PPP2R2B: variants seen among roughly 807,000 people sequenced by gnomAD.
PPP2R2B encodes the protein protein phosphatase 2 regulatory subunit Bbeta, also known as serine/threonine-protein phosphatase 2A 55 kDa regulatory subunit B beta isoform.
Under a neutral mutation model 46.0 loss-of-function variants are expected in PPP2R2B, and 5 were observed. The ratio of observed to expected loss-of-function variants is 0.11; its 90% CI spans 0.06 to 0.23. The LOEUF (loss-of-function observed/expected upper bound fraction) is 0.23. PPP2R2B is among the 10% of genes least tolerant of loss of function. The pLI is 1.00. For missense variants in PPP2R2B, 367 were observed against 575.0 expected (o/e 0.64, Z 3.70); for synonymous variants, 215 against 206.7 (o/e 1.04, Z -0.34).
At chr5:147,012,086 G>A (rs1172180723) in intron 1 of PPP2R2B, among the ~76,000 whole-genome samples, 1 of 150,246 alleles carries the variant, frequency 6.7e-6, no homozygotes, top group Non-Finnish European at 1.5e-5. Flanking sequence ...AATGATGCTG[G>A]CCTCATAAAA....
chr5:147,008,820 T>C (rs1312365437), intron 1 of PPP2R2B, among the ~76,000 whole-genome samples: 1 of 152,204 alleles, frequency 6.6e-6, no homozygotes, highest in Non-Finnish European at 1.5e-5. Context: ...GTTTCTGTTT[T>C]GTTGATTGTC....
chr5:146,994,786 T>A (rs757319600), intron 1 of PPP2R2B, among the ~76,000 whole-genome samples: 6 of 152,348 alleles, frequency 3.9e-5, no homozygotes, highest in Middle Eastern at 3.4e-3. Context: ...TTTACTTTAA[T>A]GTATCATATA....
chr5:146,884,733 AG>A (rs1342710139), intron 1 of PPP2R2B, among the ~76,000 whole-genome samples: 24 of 152,332 alleles, frequency 1.6e-4, no homozygotes, highest in African/African-American at 5.5e-4. Context: ...TGTGCAAGAA[AG>A]TTTTAGTTTA....
Position 146,587,637 on chromosome 5 carries a change from A to G in PPP2R2B, c.*2310T>C, listed in dbSNP as rs1306188031. The G allele has an allele frequency of 6.6e-6, 1 of 152,202 alleles. No homozygotes were observed. Among genetic ancestry groups the G allele is most frequent in the Non-Finnish European group, 1.5e-5 (1 of 68,030 alleles). The allele number at this position is 152,202 out of a possible 1,614,324, so 9.4% of individuals were successfully genotyped here. On this transcript the variant is annotated 3_prime_UTR_variant, in exon 10 of 10. Transcript: ENST00000394411. Reference sequence around the variant, plus strand: ...CCTAAGGGCATAAATCTTCTGTCATATCAGTTACTCAGGGTCCCAAAGTTT... The same window carrying G: ...CCTAAGGGCATAAATCTTCTGTCATGTCAGTTACTCAGGGTCCCAAAGTTT...
At chr5:146,819,157 A>T (rs1010985015) in intron 2 of PPP2R2B, among the ~76,000 whole-genome samples, 55 of 152,192 alleles carry the variant, frequency 3.6e-4, no homozygotes, top group African/African-American at 1.3e-3. Flanking sequence ...TTTGAAAATG[A>T]ACTATTTTGG....
intron 2 of PPP2R2B, among the ~76,000 whole-genome samples, chr5:146,807,776 C>CCTTTTTT (rs1757269168): frequency 5.4e-5 from 2 of 36,930 alleles, no homozygotes; most frequent in African/African-American, 1.6e-4. Context: ...GGGGTGCCTT[C>CCTTTTTT]TTTTTTTTTT....
upstream of PPP2R2B, among the ~76,000 whole-genome samples, chr5:147,060,371 A>G (rs1757220621): frequency 6.6e-6 from 1 of 152,230 alleles, no homozygotes; most frequent in Admixed American, 6.5e-5. Flanking sequence ...TCACCCGTCT[A>G]ATCCTAGCAT....
At chr5:147,068,476 A>G (rs1002316746) in intron 2 of PPP2R2B, among the ~76,000 whole-genome samples, 1 of 152,198 alleles carries the variant, frequency 6.6e-6, no homozygotes, top group African/African-American at 2.4e-5. Context: ...TGTGAAAAAA[A>G]ATGTAAGTTT....
intron 2 of PPP2R2B, among the ~76,000 whole-genome samples, chr5:146,753,241 T>C (rs1753657992): frequency 6.6e-6 from 1 of 152,186 alleles, no homozygotes; most frequent in African/African-American, 2.4e-5. Context: ...AAAGTTATTG[T>C]CCATGAAATG....
chr5:146,692,525 CA>C (rs1778917414), intron 4 of PPP2R2B, among the ~76,000 whole-genome samples: 1 of 141,812 alleles, frequency 7.1e-6, no homozygotes. Context: ...GCTTTTAATT[CA>C]ATTTTTTTTT....
chr5:146,902,495 T>C (rs564809249), intron 1 of PPP2R2B, among the ~76,000 whole-genome samples: 31 of 152,326 alleles, frequency 2.0e-4, no homozygotes, highest in African/African-American at 7.5e-4. Flanking sequence ...GGATCAGGCT[T>C]TGTTATATGC....
intron 2 of PPP2R2B, among the ~76,000 whole-genome samples, chr5:146,740,431 G>C (rs191806711): frequency 2.6e-5 from 4 of 152,232 alleles, no homozygotes; most frequent in Admixed American, 2.6e-4. Context: ...ATGGGAAGAG[G>C]CTGTTGTAAA....
At chr5:146,933,816 A>G (rs1025244089) in intron 1 of PPP2R2B, among the ~76,000 whole-genome samples, 10 of 146,960 alleles carry the variant, frequency 6.8e-5, no homozygotes, top group African/African-American at 1.5e-4. Context: ...GTATCTCCCA[A>G]TGCTATCCCT....
At chr5:147,048,785 T>C (rs1756653331) in intron 1 of PPP2R2B, among the ~76,000 whole-genome samples, 2 of 152,188 alleles carry the variant, frequency 1.3e-5, no homozygotes, top group East Asian at 3.8e-4. Flanking sequence ...CCTACTTTAT[T>C]ACTAAGACTT....
Position 146,915,447 on chromosome 5 carries a change from TACACAC to T in PPP2R2B, c.79+140212_79+140217del, listed in dbSNP as rs34632167. Among the ~76,000 whole-genome samples the T allele has an allele frequency of 1.8e-3, 271 of 147,622 alleles. 3 individuals carry two copies. The highest frequency in any genetic ancestry group is 5.8e-3 in the African/African-American group (234 of 40,184). ...ATCCAAAGAAGTCATTCTACCTATG[TACACAC>T]ACACACACACACACACACACGTACA... is the stretch of plus-strand genomic sequence containing the variant. On this transcript the variant is annotated intron_variant, in intron 1 of 8. Coordinates refer to the PPP2R2B transcript ENST00000336640.
intron 2 of PPP2R2B, among the ~76,000 whole-genome samples, chr5:146,840,257 T>C (rs1456964032): frequency 6.6e-6 from 1 of 152,202 alleles, no homozygotes; most frequent in Non-Finnish European, 1.5e-5. Context: ...ATTGAGTGAC[T>C]CCTCTGTGCC....
intron 2 of PPP2R2B, among the ~76,000 whole-genome samples, chr5:146,730,108 A>G (rs915510122): frequency 6.6e-6 from 1 of 151,928 alleles, no homozygotes; most frequent in African/African-American, 2.4e-5. Flanking sequence ...GCTGCCTAAG[A>G]CTCTTACATC....
At chr5:146,640,325 C>T (rs183065970) in intron 6 of PPP2R2B, among the ~76,000 whole-genome samples, 246 of 152,338 alleles carry the variant, frequency 1.6e-3, no homozygotes, top group African/African-American at 5.4e-3. Flanking sequence ...ATGTGAGTCT[C>T]CTGGATTCAC....
intron 2 of PPP2R2B, among the ~76,000 whole-genome samples, chr5:146,719,227 T>G (rs1031812552): frequency 4.6e-5 from 7 of 152,230 alleles, no homozygotes; most frequent in Non-Finnish European, 8.8e-5. Flanking sequence ...TTATTTAATC[T>G]GCAAAATGGA....
Sources: allele counts gnomAD v4.1 joint callset (sites outside exome capture counted in the v4.1 genomes callset), GRCh38; gene constraint gnomAD v4.1.1; transcripts MANE v1.5; gene names NCBI Gene and HGNC (gene_info 2026-07-23, HGNC 2026-07-21).